Variants in TMCO5A observed in about 807,000 individuals in gnomAD.
TMCO5A encodes the protein transmembrane and coiled-coil domain-containing protein 5A.
In TMCO5A, 34 loss-of-function variants were observed where a neutral mutation model predicts 42.3. The observed-to-expected ratio is 0.80, with a 90% CI of 0.61 to 1.07. TMCO5A has a LOEUF of 1.07. TMCO5A is among the 50% of genes least tolerant of loss of function. The pLI, the probability that TMCO5A is intolerant of heterozygous loss-of-function variation, is 0.00. For missense variants in TMCO5A, 357 were observed against 327.9 expected, an observed-to-expected ratio of 1.09 and a Z score of -0.69; for synonymous variants, 131 against 115.6, an observed-to-expected ratio of 1.13 and a Z score of -0.86.
the TMCO5A span, among the ~76,000 whole-genome samples, chr15:38,019,351 A>G: frequency 1.3e-5 from 2 of 152,216 alleles, no homozygotes; most frequent in African/African-American, 4.8e-5. Context: ...GGGAAGTAAA[A>G]GCTAACTAGA....
the TMCO5A span, among the ~76,000 whole-genome samples, chr15:38,017,954 CTCTT>C: frequency 6.6e-6 from 1 of 152,170 alleles, no homozygotes; most frequent in Non-Finnish European, 1.5e-5. Flanking sequence ...CTCTCTCTCT[CTCTT>C]GCTCTGCCAT....
At position 37,936,360 on chromosome 15, in the gene TMCO5A, A is replaced by T. The variant is rs1162796612; in HGVS notation, c.37A>T (p.Ile13Phe). 9 of 1,612,730 alleles carry T rather than the reference A, an allele frequency of 5.6e-6. No individual in the cohort carries two copies. The highest frequency in any genetic ancestry group is 6.8e-6 in the Non-Finnish European group (8 of 1,179,342). Reference protein sequence around the residue: ...ISRLAQSKRNIISLNMDLERD... With the variant: ...ISRLAQSKRNFISLNMDLERD... ...AAGATTGGCTCAGTCAAAAAGAAAC[A>T]TTATCAGTTTGAACATGGACCTTGA... is the stretch of plus-strand genomic sequence containing the variant. The change falls in exon 3 of 12, where the codon ATT becomes TTT. Residue 13 changes from isoleucine to phenylalanine, a missense_variant. Coordinates refer to ENST00000319669, the MANE Select transcript of TMCO5A (RefSeq NM_152453.4).
chr15:38,017,317 G>A, the TMCO5A span, among the ~76,000 whole-genome samples: 2 of 152,044 alleles, frequency 1.3e-5, no homozygotes, highest in Non-Finnish European at 2.9e-5. Context: ...GTTTCCTAAC[G>A]GAGTTCAGAA....
At position 37,943,328 on chromosome 15, in the gene TMCO5A, G is replaced by T; in HGVS notation, c.570-13G>T. 1 of 1,611,164 alleles carries T rather than the reference G, an allele frequency of 6.2e-7. No individual in the cohort carries two copies. ...ACTTTGTTCAATTTCTGTCCTGGCTGTTATCTTCATAGATCAAAACTCGTG... is the reference window on the plus strand; with the variant it reads ...ACTTTGTTCAATTTCTGTCCTGGCTTTTATCTTCATAGATCAAAACTCGTG... On this transcript the variant is annotated splice_polypyrimidine_tract_variant and intron_variant, in intron 9 of 11. Coordinates refer to ENST00000319669, the MANE Select transcript of TMCO5A (RefSeq NM_152453.4).
At chr15:37,957,355 C>G (rs945831856) in intron 11 of TMCO5A, among the ~76,000 whole-genome samples, 1 of 152,152 alleles carries the variant, frequency 6.6e-6, no homozygotes, top group African/African-American at 2.4e-5. Context: ...TTGTCTCAGC[C>G]CCAAATCTCC....
rs552934773 is a variant in TMCO5A at position 37,960,940 on chromosome 15, G to C, written c.669-5685G>C. Among the ~76,000 whole-genome samples, 13 of 152,120 alleles carry C rather than the reference G, an allele frequency of 8.5e-5. No individual in the cohort carries two copies. In the South Asian group the frequency reaches 2.5e-3, roughly 29 times the overall value. ...AGATTCTGAATATAGATTCTGAATAGTCCCTTGTCAGATGTGTAGATTGCG... is the reference window on the plus strand; with the variant it reads ...AGATTCTGAATATAGATTCTGAATACTCCCTTGTCAGATGTGTAGATTGCG... On this transcript the variant is annotated intron_variant, in intron 11 of 11. Coordinates refer to the TMCO5A transcript ENST00000559502.
At chr15:38,031,874 T>G in the TMCO5A span, among the ~76,000 whole-genome samples, 3 of 152,000 alleles carry the variant, frequency 2.0e-5, no homozygotes, top group East Asian at 5.8e-4. Flanking sequence ...GAGGCTTTTC[T>G]CAATTCCAGA....
chr15:37,941,800 C>A (rs1889756712), intron 8 of TMCO5A, 70 bp downstream of exon 8: 5 of 1,337,642 alleles, frequency 3.7e-6, no homozygotes. Context: ...CAAGGATTTT[C>A]AAAGACTACT....
the TMCO5A span, among the ~76,000 whole-genome samples, chr15:38,019,380 T>A: frequency 6.6e-6 from 1 of 152,194 alleles, no homozygotes; most frequent in African/African-American, 2.4e-5. Flanking sequence ...TTTGCATGGA[T>A]GGGATAATAC....
chr15:37,961,559 TTTCTATTTCTGTGAAGAATGA>T (rs1277385037), intron 11 of TMCO5A, among the ~76,000 whole-genome samples: 207 of 147,652 alleles, frequency 1.4e-3, no homozygotes, highest in African/African-American at 5.0e-3. Context: ...TTAGATTTTT[TTTCTATTTCTGTGAAGAATGA>T]TGGTATTTTG....
the TMCO5A span, among the ~76,000 whole-genome samples, chr15:38,012,126 A>AAAAAAAAAAG: frequency 1.3e-4 from 19 of 150,378 alleles, no homozygotes; most frequent in South Asian, 2.1e-4. Flanking sequence ...TCCGTCTCAA[A>AAAAAAAAAAG]AAAAAAAGAA....
At chr15:37,998,194 T>C in the TMCO5A span, among the ~76,000 whole-genome samples, 1 of 152,218 alleles carries the variant, frequency 6.6e-6, no homozygotes, top group Non-Finnish European at 1.5e-5. Flanking sequence ...TGTAGAAGCT[T>C]TTTAACTTGA....
the TMCO5A span, among the ~76,000 whole-genome samples, chr15:38,035,528 G>A: frequency 6.6e-6 from 1 of 152,182 alleles, no homozygotes; most frequent in Non-Finnish European, 1.5e-5. Flanking sequence ...GAGCAGAACT[G>A]CATGAGTGAA....
the TMCO5A span, among the ~76,000 whole-genome samples, chr15:38,017,887 G>A: frequency 3.9e-5 from 6 of 152,130 alleles, no homozygotes; most frequent in East Asian, 9.6e-4. Flanking sequence ...TCTTGTGATC[G>A]TGAGCGAGCT....
chr15:37,997,621 CTT>C, the TMCO5A span, among the ~76,000 whole-genome samples: 1 of 152,160 alleles, frequency 6.6e-6, no homozygotes, highest in African/African-American at 2.4e-5. Flanking sequence ...TGGATGGACA[CTT>C]AGGCTGCTTC....
chr15:37,995,548 T>C, the TMCO5A span, among the ~76,000 whole-genome samples: 2 of 152,250 alleles, frequency 1.3e-5, no homozygotes, highest in Non-Finnish European at 2.9e-5. Flanking sequence ...AAAGTCCAAA[T>C]TGGTAACTTC....
chr15:37,936,106 TG>T, intron 2 of TMCO5A: 2 of 448,858 alleles, frequency 4.5e-6, no homozygotes, highest in Non-Finnish European at 7.4e-6. Context: ...GGAGAAAGCC[TG>T]GGAAAGACCC....
the TMCO5A span, among the ~76,000 whole-genome samples, chr15:38,002,297 T>A: frequency 2.0e-5 from 3 of 152,174 alleles, no homozygotes; most frequent in South Asian, 6.2e-4. Context: ...TTATTAAATG[T>A]CTTGAGGTAG....
chr15:37,947,176 C>G (rs1889994851), intron 10 of TMCO5A, among the ~76,000 whole-genome samples: 1 of 152,026 alleles, frequency 6.6e-6, no homozygotes, highest in South Asian at 2.1e-4. Context: ...GTATGTTGAA[C>G]CAAACTTGCA....
Sources: allele counts gnomAD v4.1 joint callset (sites outside exome capture counted in the v4.1 genomes callset), GRCh38; gene constraint gnomAD v4.1.1; transcripts MANE v1.5; gene names NCBI Gene and HGNC (gene_info 2026-07-23, HGNC 2026-07-21).